Variants in FHIT observed in about 807,000 individuals in gnomAD.
FHIT encodes fragile histidine triad diadenosine triphosphatase.
In FHIT, 19 loss-of-function variants were observed where a neutral mutation model predicts 17.9. That is an observed-to-expected ratio of 1.06 (90% CI 0.74 to 1.56). The LOEUF (loss-of-function observed/expected upper bound fraction) is 1.56, where lower values mean the gene tolerates loss of function less well. FHIT is among the 40% of genes most tolerant of loss of function. The pLI is 0.00. For synonymous variants in FHIT, 81 were observed against 69.7 expected, an observed-to-expected ratio of 1.16 and a Z score of -0.81; for missense variants, 248 against 189.2, an observed-to-expected ratio of 1.31 and a Z score of -1.82.
intron 1 of FHIT, among the ~76,000 whole-genome samples, chr3:61,220,725 A>G (rs2039813926): frequency 6.6e-6 from 1 of 152,230 alleles, no homozygotes; most frequent in South Asian, 2.1e-4. Flanking sequence ...TAATAAAAGA[A>G]TATTATAAGT....
chr3:61,069,716 T>A (rs891657513), intron 2 of FHIT, among the ~76,000 whole-genome samples: 1 of 152,180 alleles, frequency 6.6e-6, no homozygotes, highest in African/African-American at 2.4e-5. Context: ...ACTCTTCGTA[T>A]CCCCAGAATT....
At chr3:61,020,307 C>A (rs2032345474) in intron 3 of FHIT, among the ~76,000 whole-genome samples, 1 of 152,156 alleles carries the variant, frequency 6.6e-6, no homozygotes, top group Admixed American at 6.6e-5. Flanking sequence ...AGTTTTTCTT[C>A]ATATTTTTGT....
chr3:60,331,024 T>C (rs1709943624), intron 5 of FHIT, among the ~76,000 whole-genome samples: 1 of 152,206 alleles, frequency 6.6e-6, no homozygotes. Flanking sequence ...CTTCCAAGGC[T>C]TCCTCCTGTC....
chr3:60,485,514 G>A (rs143678944), intron 5 of FHIT, among the ~76,000 whole-genome samples: 170 of 152,236 alleles, frequency 1.1e-3, no homozygotes, highest in East Asian at 8.7e-3. Flanking sequence ...GGACATGGAA[G>A]AAGCTGGAAG....
At chr3:60,517,543 G>A (rs1485201702) in intron 5 of FHIT, among the ~76,000 whole-genome samples, 1 of 152,086 alleles carries the variant, frequency 6.6e-6, no homozygotes, top group Non-Finnish European at 1.5e-5. Context: ...GTCAAAGGGT[G>A]GTCTTCAGTC....
At chr3:60,794,032 T>G (rs528352833) in intron 4 of FHIT, among the ~76,000 whole-genome samples, 1 of 152,206 alleles carries the variant, frequency 6.6e-6, no homozygotes, top group African/African-American at 2.4e-5. Flanking sequence ...AGAATAAGGT[T>G]GGAGAATTCA....
At chr3:60,330,617 C>G (rs11720480) in intron 5 of FHIT, among the ~76,000 whole-genome samples, 17,180 of 152,136 alleles carry the variant, frequency 0.11, 1,259 homozygotes, top group Non-Finnish European at 0.16. Flanking sequence ...TCTAAAACAC[C>G]AAACCCGTTT....
At chr3:60,488,875 A>G (rs1255547475) in intron 5 of FHIT, among the ~76,000 whole-genome samples, 2 of 152,210 alleles carry the variant, frequency 1.3e-5, no homozygotes, top group African/African-American at 2.4e-5. Flanking sequence ...TATGTAAAAC[A>G]TGAAACTATA....
chr3:60,494,304 T>C (rs2034198533), intron 5 of FHIT, among the ~76,000 whole-genome samples: 1 of 152,190 alleles, frequency 6.6e-6, no homozygotes, highest in Admixed American at 6.5e-5. Context: ...TATCACATAA[T>C]ATGCGACTTT....
At chr3:60,909,912 G>T (rs975488485) in intron 3 of FHIT, among the ~76,000 whole-genome samples, 1 of 152,098 alleles carries the variant, frequency 6.6e-6, no homozygotes, top group Non-Finnish European at 1.5e-5. Flanking sequence ...AGGTTGGCTT[G>T]CTCCCTGAAA....
intron 9 of FHIT, chr3:59,749,791 G>T (rs1045268372): frequency 4.5e-6 from 1 of 222,048 alleles, no homozygotes; most frequent in Admixed American, 5.9e-5. Context: ...CTGTGAGGAT[G>T]GTTTCAATAG....
chr3:60,484,817 A>G (rs761399931), intron 5 of FHIT, among the ~76,000 whole-genome samples: 20 of 152,350 alleles, frequency 1.3e-4, no homozygotes, highest in Admixed American at 7.2e-4. Context: ...GGATCTAACT[A>G]AACTAAAGAG....
intron 2 of FHIT, among the ~76,000 whole-genome samples, chr3:61,196,773 C>T (rs970788376): frequency 2.0e-5 from 3 of 152,112 alleles, no homozygotes; most frequent in African/African-American, 4.8e-5. Context: ...AAGCTGTAGC[C>T]GCTGAAGAGA....
chr3:60,223,555 C>A lies in FHIT; in HGVS notation c.104-209403G>T, dbSNP rs28552937. 9.4e-3 allele frequency among the ~76,000 whole-genome samples: 1,424 copies of A among 152,256 alleles called. 29 individuals are homozygous for A. Among genetic ancestry groups the A allele is most frequent in the African/African-American group, 0.032 (1,350 of 41,558 alleles). Reference sequence around the variant, plus strand: ...CCTTCCCTTCAATATTCCCAAGTAACAAGCTTGTTGAGAAACCCTACTGAA... The same window carrying A: ...CCTTCCCTTCAATATTCCCAAGTAAAAAGCTTGTTGAGAAACCCTACTGAA... On this transcript the variant is annotated intron_variant, in intron 5 of 9. Coordinates refer to ENST00000492590, the MANE Select transcript of FHIT (RefSeq NM_002012.4).
At chr3:60,413,520 C>T (rs1434749565) in intron 5 of FHIT, among the ~76,000 whole-genome samples, 1 of 152,194 alleles carries the variant, frequency 6.6e-6, no homozygotes, top group African/African-American at 2.4e-5. Flanking sequence ...TGATATACCA[C>T]ATGTTCATTT....
At chr3:61,120,659 A>AAAATCC (rs1312567936) in intron 2 of FHIT, among the ~76,000 whole-genome samples, 1 of 152,102 alleles carries the variant, frequency 6.6e-6, no homozygotes, top group Admixed American at 6.5e-5. Flanking sequence ...TGCAGGCTAA[A>AAAATCC]AAATCCAAAA....
intron 5 of FHIT, among the ~76,000 whole-genome samples, chr3:60,339,886 G>A (rs1710431840): frequency 6.6e-6 from 1 of 152,044 alleles, no homozygotes; most frequent in South Asian, 2.1e-4. Flanking sequence ...CAGACTTTGA[G>A]ATTTTTTTTT....
chr3:60,313,968 C>T lies in FHIT; in HGVS notation c.103+222892G>A, dbSNP rs991410469. 6.6e-5 allele frequency among the ~76,000 whole-genome samples: 10 copies of T among 152,236 alleles called. No individual in the cohort carries two copies. The East Asian group carries it at 1.5e-3, about 23-fold the overall frequency. On this transcript the variant is annotated intron_variant, in intron 5 of 9. Coordinates refer to ENST00000492590, the MANE Select transcript of FHIT (RefSeq NM_002012.4). ...CTGCTAGAGACTGTTGGTGCACTGG[C>T]GTTGAAATCTTTTGATATGTTGGAT... is the stretch of plus-strand genomic sequence containing the variant.
At chr3:60,500,201 G>A (rs1382569471) in intron 5 of FHIT, among the ~76,000 whole-genome samples, 4 of 152,124 alleles carry the variant, frequency 2.6e-5, no homozygotes, top group East Asian at 1.9e-4. Context: ...CTGTTTGCCC[G>A]TTTACCAATT....
Sources: allele counts gnomAD v4.1 joint callset (sites outside exome capture counted in the v4.1 genomes callset), GRCh38; gene constraint gnomAD v4.1.1; transcripts MANE v1.5; gene names NCBI Gene and HGNC (gene_info 2026-07-23, HGNC 2026-07-21).